Variants in KIF13A observed in about 807,000 individuals in gnomAD.
KIF13A encodes the protein kinesin-like protein KIF13A.
In KIF13A, 79 loss-of-function variants were observed where a neutral mutation model predicts 212.2. The ratio of observed to expected loss-of-function variants is 0.37; its 90% CI spans 0.31 to 0.45. The LOEUF is 0.45. Ranked by LOEUF, KIF13A falls within the 20% of genes least tolerant of loss-of-function variation. The probability of loss-of-function intolerance (pLI) is 1.00; values close to 1 mark genes in which losing one functional copy is unlikely to be tolerated. For missense variants in KIF13A, 1,901 were observed against 2,209.0 expected (o/e 0.86, Z 2.79); for synonymous variants, 789 against 808.6 (o/e 0.98, Z 0.41).
At chr6:17,983,881 T>C (rs146422931) in intron 2 of KIF13A, among the ~76,000 whole-genome samples, 2 of 152,292 alleles carry the variant, frequency 1.3e-5, no homozygotes, top group Non-Finnish European at 2.9e-5. Flanking sequence ...GCTTTCACTT[T>C]CATTGGCAAA....
At chr6:17,870,504 A>C (rs996497602) in intron 4 of KIF13A, among the ~76,000 whole-genome samples, 22 of 152,310 alleles carry the variant, frequency 1.4e-4, no homozygotes, top group African/African-American at 4.8e-4. Flanking sequence ...TATATTGCAG[A>C]AGGCTAGAGT....
At chr6:17,881,466 C>CA (rs1197922975) in intron 3 of KIF13A, 2 of 428,306 alleles carry the variant, frequency 4.7e-6, no homozygotes, top group East Asian at 1.4e-4. Flanking sequence ...AAAGGCCAGG[C>CA]ACAGTGGCTT....
At chr6:17,854,296 G>A (rs762695195) in intron 6 of KIF13A, among the ~76,000 whole-genome samples, 10 of 151,742 alleles carry the variant, frequency 6.6e-5, no homozygotes, top group Admixed American at 2.0e-4. Context: ...CCAGCACCAC[G>A]CCCAGCTAAT....
chr6:17,872,641 A>C lies in KIF13A; in HGVS notation c.220+736T>G, dbSNP rs1286334594. 6.6e-6 allele frequency among the ~76,000 whole-genome samples: 1 copy of C among 152,122 alleles called. No individual in the cohort carries two copies. Among genetic ancestry groups the C allele is most frequent in the Non-Finnish European group, 1.5e-5 (1 of 68,038 alleles). ...CAACTTTCATTTGCCAGTTAGAAAAATAATTTTTTTTTATTTTTTTGAGAC... is the reference window on the plus strand; with the variant it reads ...CAACTTTCATTTGCCAGTTAGAAAACTAATTTTTTTTTATTTTTTTGAGAC... On this transcript the variant is annotated intron_variant, in intron 4 of 38. Coordinates refer to ENST00000259711, the MANE Select transcript of KIF13A (RefSeq NM_022113.6). The surrounding 1 kb of genome is among the most constrained non-coding windows in gnomAD (Gnocchi z 4.7).
chr6:17,830,024 G>A (rs1765305682), intron 13 of KIF13A, among the ~76,000 whole-genome samples: 1 of 152,138 alleles, frequency 6.6e-6, no homozygotes, highest in Non-Finnish European at 1.5e-5. Flanking sequence ...GTTCGTTTCT[G>A]TAACTCAGAA....
intron 2 of KIF13A, among the ~76,000 whole-genome samples, chr6:17,975,814 A>G (rs1018910528): frequency 2.5e-4 from 38 of 152,158 alleles, no homozygotes; most frequent in Admixed American, 2.2e-3. Context: ...CAGAGTGTCA[A>G]TTGGTGCATT....
intron 2 of KIF13A, among the ~76,000 whole-genome samples, chr6:17,956,913 A>T (rs558522050): frequency 2.8e-4 from 42 of 151,778 alleles, no homozygotes; most frequent in African/African-American, 9.7e-4. Context: ...ACGGAGTCTC[A>T]CTCTGTAGCC....
At chr6:17,830,605 A>G (rs893573957) in intron 13 of KIF13A, among the ~76,000 whole-genome samples, 35 of 152,214 alleles carry the variant, frequency 2.3e-4, no homozygotes, top group Admixed American at 7.2e-4. Flanking sequence ...TATGGGACCA[A>G]AAGTTATTTC....
intron 2 of KIF13A, among the ~76,000 whole-genome samples, chr6:17,909,581 T>A (rs532124755): frequency 9.8e-5 from 14 of 143,356 alleles, no homozygotes; most frequent in Non-Finnish European, 2.1e-4. Context: ...AAAATATGTA[T>A]GATAGAGGAA....
Position 17,834,144 on chromosome 6 carries a change from TC to T in KIF13A, c.1156-74del. On this transcript the variant is annotated intron_variant, in intron 11 of 38. Coordinates refer to ENST00000259711, the MANE Select transcript of KIF13A (RefSeq NM_022113.6). This position sits in a 1 kb window ranked among gnomAD's most constrained non-coding sequence, Gnocchi z 4.0. ...TCATATACAAGACAATCAGTTACTG[TC>T]CCTCTTAAGCAGTTATCAATAGTCT... 1 of 889,176 alleles carries T rather than the reference TC, an allele frequency of 1.1e-6. No homozygotes were observed. Among genetic ancestry groups the T allele is most frequent in the Non-Finnish European group, 1.7e-6 (1 of 584,976 alleles). The allele number at this position is 889,176 out of a possible 1,614,324, so 55.1% of individuals were successfully genotyped here.
chr6:17,875,844 T>C (rs895669056), intron 3 of KIF13A, among the ~76,000 whole-genome samples: 1 of 152,090 alleles, frequency 6.6e-6, no homozygotes, highest in African/African-American at 2.4e-5. Flanking sequence ...AAGTGTGTTC[T>C]AAGGAACCAG....
chr6:17,800,746 G>A (rs1762407595), intron 20 of KIF13A, among the ~76,000 whole-genome samples: 1 of 151,918 alleles, frequency 6.6e-6, no homozygotes, highest in Admixed American at 6.6e-5. Context: ...GATTACAGGT[G>A]CCTGCCACCA....
At chr6:17,875,286 C>T (rs1230511009) in intron 3 of KIF13A, among the ~76,000 whole-genome samples, 2 of 151,818 alleles carry the variant, frequency 1.3e-5, no homozygotes, top group African/African-American at 2.4e-5. Flanking sequence ...AAAAGTGTTC[C>T]CTGTTGACCG....
At position 17,773,454 on chromosome 6, in the gene KIF13A, A is replaced by G; in HGVS notation, c.4324+24T>C. ...TTCTAAGTAATTACAAAGAAATATC[A>G]CTGCAAAATAATCTCACCACTACCT... On this transcript the variant is annotated intron_variant, in intron 36 of 38. Transcript: ENST00000259711. This position sits in a 1 kb window ranked among gnomAD's most constrained non-coding sequence, Gnocchi z 4.2. The G allele has an allele frequency of 7.6e-7, 1 of 1,318,420 alleles. No homozygotes were observed. The highest frequency in any genetic ancestry group is 1.1e-6 in the Non-Finnish European group (1 of 916,936). The allele number at this position is 1,318,420 out of a possible 1,614,324, so 81.7% of individuals were successfully genotyped here. A position where few individuals can be genotyped will look rare whatever the true frequency, so the allele number is the denominator to read the frequency against.
rs756292745 is a variant in KIF13A, at chr6:17,915,248, G to A, written c.147-17068C>T. Among the ~76,000 whole-genome samples the A allele has an allele frequency of 3.5e-4, 54 of 152,220 alleles. No homozygotes were observed. Among genetic ancestry groups the A allele is most frequent in the Middle Eastern group, 3.4e-3 (1 of 292 alleles). On this transcript the variant is annotated intron_variant, in intron 2 of 38. Coordinates refer to ENST00000259711, the MANE Select transcript of KIF13A (RefSeq NM_022113.6). The surrounding 1 kb of genome is among the most constrained non-coding windows in gnomAD (Gnocchi z 4.4). ...TTTATGAGAGTCAGTCCAGGAGCAG[G>A]GATGCAGAAGCCAGACTGCCCAGGT...
At chr6:17,908,387 C>T (rs903681940) in intron 2 of KIF13A, among the ~76,000 whole-genome samples, 1 of 152,070 alleles carries the variant, frequency 6.6e-6, no homozygotes, top group African/African-American at 2.4e-5. Context: ...ACTGCTTGAG[C>T]CCAGGAGTTC....
chr6:17,984,572 G>A lies in KIF13A; in HGVS notation c.146+2482C>T. 1 of 982,622 alleles carries A rather than the reference G, an allele frequency of 1.0e-6. No individual in the cohort carries two copies. Among genetic ancestry groups the A allele is most frequent in the Non-Finnish European group, 1.2e-6 (1 of 827,894 alleles). The allele number at this position is 982,622 out of a possible 1,614,324, so 60.9% of individuals were successfully genotyped here. A position where few individuals can be genotyped will look rare whatever the true frequency, so the allele number is the denominator to read the frequency against. On this transcript the variant is annotated intron_variant, in intron 2 of 38. Transcript: ENST00000259711. The surrounding 1 kb of genome is among the most constrained non-coding windows in gnomAD (Gnocchi z 5.0). ...TTTGTAAAATGGGGAAACAATGAAA[G>A]CTGACCCCATCTGTTTTTTTTTTTT...
chr6:17,817,944 C>G (rs755215144), intron 16 of KIF13A, among the ~76,000 whole-genome samples: 1 of 152,136 alleles, frequency 6.6e-6, no homozygotes, highest in Non-Finnish European at 1.5e-5. Flanking sequence ...AATGAGCTAC[C>G]ATGATGGTTG....
intron 23 of KIF13A, among the ~76,000 whole-genome samples, chr6:17,795,558 G>A (rs929945375): frequency 3.4e-5 from 5 of 148,404 alleles, no homozygotes; most frequent in Non-Finnish European, 5.9e-5. Flanking sequence ...TCGCACCACT[G>A]CACACTCCAG....
Sources: allele counts gnomAD v4.1 joint callset (sites outside exome capture counted in the v4.1 genomes callset), GRCh38; gene constraint gnomAD v4.1.1; non-coding constraint Gnocchi (gnomAD v3.1); transcripts MANE v1.5; gene names NCBI Gene and HGNC (gene_info 2026-07-23, HGNC 2026-07-21).